The following NXPE3 variants were observed in gnomAD, a reference collection of about 807,000 sequenced individuals.
NXPE3 encodes NXPE family member 3.
Under a neutral mutation model 46.1 loss-of-function variants are expected in NXPE3, and 26 were observed. The ratio of observed to expected loss-of-function variants is 0.56; its 90% confidence interval spans 0.41 to 0.78. The LOEUF is 0.78. Ranked by LOEUF, NXPE3 falls within the 30% of genes least tolerant of loss-of-function variation. NXPE3 has a pLI of 0.00. For synonymous variants in NXPE3, 272 were observed against 257.9 expected, an observed-to-expected ratio of 1.05 and a Z score of -0.52; for missense variants, 620 against 686.0, an observed-to-expected ratio of 0.90 and a Z score of 1.07.
At chr3:101,799,763 ATTAC>A in intron 4 of NXPE3, among the ~76,000 whole-genome samples, 2 of 152,218 alleles carry the variant, frequency 1.3e-5, no homozygotes, top group South Asian at 4.1e-4. Flanking sequence ...TAGTTATAAT[ATTAC>A]TTTTGCATCA....
chr3:101,818,718 TA>T (rs1942080785), intron 7 of NXPE3, among the ~76,000 whole-genome samples: 6 of 12,108 alleles, frequency 5.0e-4, no homozygotes, highest in African/African-American at 1.6e-3. Context: ...TGACAATTTA[TA>T]TATATATATA....
chr3:101,822,425 C>A lies in NXPE3; in HGVS notation c.*471C>A. ...ACTAGAGAAAGCTTATAGTCAGAGG[C>A]TCTTGTGAATGCACTGAAGACTGCT... On this transcript the variant is annotated 3_prime_UTR_variant, in exon 8 of 8. Coordinates refer to ENST00000273347, the MANE Select transcript of NXPE3 (RefSeq NM_145037.4). The A allele has an allele frequency of 6.4e-6, 1 of 156,084 alleles. No homozygotes were observed. The highest frequency in any genetic ancestry group is 1.4e-5 in the Non-Finnish European group (1 of 70,340). The allele number at this position is 156,084 out of a possible 1,614,324, so 9.7% of individuals were successfully genotyped here. A position where few individuals can be genotyped will look rare whatever the true frequency, so the allele number is the denominator to read the frequency against.
intron 4 of NXPE3, among the ~76,000 whole-genome samples, chr3:101,800,037 T>C (rs1941051991): frequency 6.6e-6 from 1 of 152,150 alleles, no homozygotes; most frequent in Non-Finnish European, 1.5e-5. Context: ...TTTTCTTTAT[T>C]GATTTCCTGT....
In NXPE3 at chr3:101,808,818, GATATATATATATATATAT is replaced by G. The variant is rs58006464; in HGVS notation, c.922+1713_922+1730del. ...ACCAAATGAATTACTAATTTTAGAG[GATATATATATATATATAT>G]ATATATATATATATATATATGAGAC... On this transcript the variant is annotated intron_variant, in intron 6 of 7. Coordinates refer to ENST00000273347, the MANE Select transcript of NXPE3 (RefSeq NM_145037.4). Among the ~76,000 whole-genome samples, 38 of 30,810 alleles carry G rather than the reference GATATATATATATATATAT, an allele frequency of 1.2e-3. 1 individual carries two copies. Among genetic ancestry groups the G allele is most frequent in the South Asian group, 1.9e-3 (1 of 540 alleles). The allele number at this position is 30,810 out of a possible 152,430, so 20.2% of individuals were successfully genotyped here. A position where few individuals can be genotyped will look rare whatever the true frequency, so the allele number is the denominator to read the frequency against.
chr3:101,787,868 A>G (rs1390416694), intron 4 of NXPE3, among the ~76,000 whole-genome samples: 1 of 152,240 alleles, frequency 6.6e-6, no homozygotes, highest in Non-Finnish European at 1.5e-5. Context: ...ATGGATAACA[A>G]GTATTTCTTC....
At chr3:101,810,883 C>T (rs550794409) in intron 6 of NXPE3, among the ~76,000 whole-genome samples, 21 of 151,956 alleles carry the variant, frequency 1.4e-4, no homozygotes, top group African/African-American at 4.3e-4. Context: ...GGCTGGAGTG[C>T]AGTGGTGCGA....
chr3:101,798,415 C>T (rs1373421757), intron 4 of NXPE3, among the ~76,000 whole-genome samples: 1 of 151,906 alleles, frequency 6.6e-6, no homozygotes, highest in Non-Finnish European at 1.5e-5. Context: ...CACAGGGTCT[C>T]ACTCTGTTGC....
chr3:101,779,664 A>G (rs554763728), intron 1 of NXPE3: 1 of 152,544 alleles, frequency 6.6e-6, no homozygotes, highest in Non-Finnish European at 1.5e-5. Flanking sequence ...AGTTTCCTCC[A>G]CTTGCGGCAA....
chr3:101,787,966 A>C (rs1348776519), intron 4 of NXPE3, among the ~76,000 whole-genome samples: 1 of 152,210 alleles, frequency 6.6e-6, no homozygotes, highest in African/African-American at 2.4e-5. Context: ...AGGAACCACC[A>C]TATTATTTTC....
chr3:101,800,235 A>G (rs1325222064), intron 4 of NXPE3, among the ~76,000 whole-genome samples: 1 of 152,050 alleles, frequency 6.6e-6, no homozygotes, highest in Non-Finnish European at 1.5e-5. Flanking sequence ...GCTTCATTCT[A>G]TAGTGTTTAA....
intron 4 of NXPE3, among the ~76,000 whole-genome samples, chr3:101,799,897 T>A (rs1271425835): frequency 1.3e-5 from 2 of 152,146 alleles, no homozygotes; most frequent in Non-Finnish European, 2.9e-5. Context: ...GTCCATGGGA[T>A]CTGTAGTGAT....
chr3:101,796,027 C>T (rs1389319069), intron 4 of NXPE3, among the ~76,000 whole-genome samples: 2 of 152,158 alleles, frequency 1.3e-5, no homozygotes, highest in African/African-American at 4.8e-5. Context: ...TAGCTGTTAC[C>T]AAGGGGAATT....
chr3:101,791,039 T>C (rs547197259), intron 4 of NXPE3, among the ~76,000 whole-genome samples: 12 of 152,322 alleles, frequency 7.9e-5, no homozygotes, highest in African/African-American at 2.6e-4. Context: ...TGTGTACATA[T>C]TATTTCATCA....
chr3:101,804,787 A>C (rs1251589069), intron 5 of NXPE3, among the ~76,000 whole-genome samples: 1 of 152,182 alleles, frequency 6.6e-6, no homozygotes, highest in Non-Finnish European at 1.5e-5. Context: ...TTTGTTCTTT[A>C]TCTATAAGGG....
intron 4 of NXPE3, among the ~76,000 whole-genome samples, chr3:101,791,174 T>C (rs1023632876): frequency 2.6e-5 from 4 of 152,212 alleles, no homozygotes; most frequent in Non-Finnish European, 4.4e-5. Flanking sequence ...TAGTTCCCAC[T>C]TACAAGTGAG....
At chr3:101,808,822 T>TAG (rs1341404056) in intron 6 of NXPE3, among the ~76,000 whole-genome samples, 99 of 83,982 alleles carry the variant, frequency 1.2e-3, no homozygotes, top group Non-Finnish European at 1.9e-3. Context: ...TTAGAGGATA[T>TAG]ATATATATAT....
At chr3:101,790,522 TATG>T (rs1203745178) in intron 4 of NXPE3, among the ~76,000 whole-genome samples, 1 of 152,228 alleles carries the variant, frequency 6.6e-6, no homozygotes, top group Non-Finnish European at 1.5e-5. Flanking sequence ...ATGTACTCTG[TATG>T]ATATTATATA....
intron 1 of NXPE3, among the ~76,000 whole-genome samples, chr3:101,780,927 G>C (rs931159629): frequency 2.0e-5 from 3 of 152,170 alleles, no homozygotes; most frequent in African/African-American, 4.8e-5. Flanking sequence ...TACTGCCCCT[G>C]CTTCATCTTT....
Position 101,817,005 on chromosome 3 carries a change from G to A in NXPE3, c.1129+4G>A. 1 of 1,613,284 alleles carries A rather than the reference G, an allele frequency of 6.2e-7. No homozygotes were observed. Among genetic ancestry groups the A allele is most frequent in the East Asian group, 2.2e-5 (1 of 44,852 alleles). On this transcript the variant is annotated splice_donor_region_variant and intron_variant, in intron 7 of 7. Coordinates refer to ENST00000273347, the MANE Select transcript of NXPE3 (RefSeq NM_145037.4). The stretch of plus-strand genomic sequence containing the variant: ...TACCTTACTACATTTGTTCCAGGTT[G>A]GTACTGTGCCTTTTGTTTCGTAACT...
Sources: allele counts gnomAD v4.1 joint callset (sites outside exome capture counted in the v4.1 genomes callset), GRCh38; gene constraint gnomAD v4.1.1; transcripts MANE v1.5; gene names NCBI Gene and HGNC (gene_info 2026-07-23, HGNC 2026-07-21).